Variants in N4BP2L2 observed in about 807,000 individuals in gnomAD.
N4BP2L2 encodes NEDD4 binding protein 2 like 2.
In N4BP2L2, 50 loss-of-function variants were observed where a neutral mutation model predicts 56.2. The observed-to-expected ratio is 0.89, with a 90% CI of 0.71 to 1.13. The LOEUF is 1.13. N4BP2L2 is among the 50% of genes most tolerant of loss of function. The pLI is 0.00. For missense variants in N4BP2L2, 689 were observed against 693.8 expected (o/e 0.99, Z 0.08); for synonymous variants, 203 against 223.6 (o/e 0.91, Z 0.82).
intron 5 of N4BP2L2, 57 bp downstream of exon 5, chr13:32,521,316 G>C: frequency 7.8e-7 from 1 of 1,283,124 alleles, no homozygotes; most frequent in South Asian, 1.2e-5. Context: ...AAGGATGTCA[G>C]AATTCACAAA....
chr13:32,444,015 T>C (rs767621881), exon 7 of N4BP2L2: 2 of 1,608,568 alleles, frequency 1.2e-6, no homozygotes, highest in Admixed American at 1.7e-5. Flanking sequence ...AGAATTCTAA[T>C]GAGTTTTCCT....
intron 3 of N4BP2L2, chr13:32,525,685 A>T (rs1247038005): frequency 3.9e-5 from 6 of 152,142 alleles, no homozygotes; most frequent in Non-Finnish European, 5.9e-5. Flanking sequence ...ACACACAAAC[A>T]TCCTCACTGA....
chr13:32,508,123 A>G (rs1315466105), downstream of N4BP2L2: 2 of 152,212 alleles, frequency 1.3e-5, no homozygotes, highest in African/African-American at 4.8e-5. Context: ...AAATAAGAAG[A>G]GCAGTGAATA....
At chr13:32,485,180 T>C (rs2085601978) in intron 6 of N4BP2L2, among the ~76,000 whole-genome samples, 1 of 152,208 alleles carries the variant, frequency 6.6e-6, no homozygotes, top group East Asian at 1.9e-4. Context: ...AACATGATTA[T>C]TATTCTTGTC....
At chr13:32,442,846 T>C in exon 7 of N4BP2L2, 1 of 1,613,742 alleles carries the variant, frequency 6.2e-7, no homozygotes, top group Non-Finnish European at 8.5e-7. Context: ...AGGGGTAGCT[T>C]TGATAATATC....
exon 7 of N4BP2L2, chr13:32,442,985 A>T (rs781537459): frequency 6.2e-7 from 1 of 1,613,760 alleles, no homozygotes; most frequent in South Asian, 1.1e-5. Context: ...TTTTTTGTTA[A>T]CAGGTCACAT....
At chr13:32,453,682 C>T (rs1360191833) in intron 6 of N4BP2L2, among the ~76,000 whole-genome samples, 1 of 152,182 alleles carries the variant, frequency 6.6e-6, no homozygotes, top group Admixed American at 6.5e-5. Context: ...ACTCTGGCCC[C>T]ATCTACTGCT....
intron 9 of N4BP2L2, among the ~76,000 whole-genome samples, chr13:32,433,351 C>T (rs1267624497): frequency 6.6e-6 from 1 of 152,256 alleles, no homozygotes; most frequent in Non-Finnish European, 1.5e-5. Context: ...AATGTTTTGG[C>T]TGGGCACAAT....
At chr13:32,501,259 G>A (rs1398400834) in intron 6 of N4BP2L2, among the ~76,000 whole-genome samples, 1 of 152,056 alleles carries the variant, frequency 6.6e-6, no homozygotes, top group African/African-American at 2.4e-5. Context: ...AGCCCAGGAT[G>A]CAGTTAACTA....
chr13:32,433,632 T>A, intron 9 of N4BP2L2, among the ~76,000 whole-genome samples: 1 of 137,610 alleles, frequency 7.3e-6, no homozygotes, highest in African/African-American at 2.8e-5. Flanking sequence ...AAAATAATAA[T>A]AATAATAAAA....
At chr13:32,490,327 G>C (rs1420620367) in intron 6 of N4BP2L2, among the ~76,000 whole-genome samples, 1 of 152,016 alleles carries the variant, frequency 6.6e-6, no homozygotes, top group Non-Finnish European at 1.5e-5. Context: ...TTTTGGAGAT[G>C]GAGTTTCGCT....
intron 9 of N4BP2L2, chr13:32,433,097 C>T (rs2075019015): frequency 6.6e-6 from 1 of 152,266 alleles, no homozygotes; most frequent in Admixed American, 6.5e-5. Flanking sequence ...TCACAGCTGT[C>T]CCCACAGTCT....
At chr13:32,457,742 GA>G (rs1392378780) in intron 6 of N4BP2L2, among the ~76,000 whole-genome samples, 2 of 152,154 alleles carry the variant, frequency 1.3e-5, no homozygotes, top group African/African-American at 4.8e-5. Context: ...CCTATACATG[GA>G]AGTGAAAGGA....
intron 6 of N4BP2L2, among the ~76,000 whole-genome samples, chr13:32,450,619 C>T (rs937354385): frequency 1.7e-5 from 2 of 118,446 alleles, no homozygotes; most frequent in African/African-American, 3.7e-5. Flanking sequence ...CCACTGCGCC[C>T]GGCTTTTTTT....
At chr13:32,486,649 C>T (rs561613244) in intron 6 of N4BP2L2, among the ~76,000 whole-genome samples, 1 of 151,994 alleles carries the variant, frequency 6.6e-6, no homozygotes, top group East Asian at 1.9e-4. Context: ...GCACTCCAAC[C>T]TGGGCAACAG....
At chr13:32,484,096 GCCAAGAGTTTGAGT>G (rs2085355261) in intron 6 of N4BP2L2, among the ~76,000 whole-genome samples, 1 of 152,054 alleles carries the variant, frequency 6.6e-6, no homozygotes, top group African/African-American at 2.4e-5. Flanking sequence ...GAGTGCTTCT[GCCAAGAGTTTGAGT>G]CCAAGAGTTT....
chr13:32,474,408 G>A lies in N4BP2L2; in HGVS notation c.366-30282C>T, dbSNP rs576822076. On this transcript the variant is annotated intron_variant, in intron 6 of 9. Transcript: ENST00000357505. ...TACATATGATAGAAATGTACTTAGC[G>A]GCCTATCACAGTGGCTCACGCCTGT... is the stretch of plus-strand genomic sequence containing the variant. Among the ~76,000 whole-genome samples the A allele has an allele frequency of 2.6e-5, 4 of 152,042 alleles. No individual in the cohort carries two copies. The South Asian group carries it at 8.3e-4, about 32-fold the overall frequency.
rs534640351 is a variant in N4BP2L2 at position 32,496,783 on chromosome 13, C to T, written c.365+21074G>A. 3.3e-5 allele frequency among the ~76,000 whole-genome samples: 5 copies of T among 152,310 alleles called. No individual in the cohort carries two copies. The South Asian group carries it at 1.0e-3, about 32-fold the overall frequency. On this transcript the variant is annotated intron_variant, in intron 6 of 9. Coordinates refer to the N4BP2L2 transcript ENST00000357505. ...CACTGGTCCCACTTCCTGCTGAGCC[C>T]CACCTCTGACATGTTCCCCACCCAC...
At chr13:32,443,457 G>A in exon 7 of N4BP2L2, 1 of 1,613,746 alleles carries the variant, frequency 6.2e-7, no homozygotes, top group Non-Finnish European at 8.5e-7. Flanking sequence ...CCCAGTGATT[G>A]ATTTTAGTTG....
Sources: gnomAD v4.1 joint callset for allele counts (sites outside exome capture counted in the v4.1 genomes callset) on GRCh38, gnomAD v4.1.1 for gene constraint, MANE v1.5 for transcripts, NCBI Gene and HGNC (gene_info 2026-07-23, HGNC 2026-07-21) for gene names.